The following RELN variants were observed in gnomAD, a reference collection of about 807,000 sequenced individuals.
The protein encoded by RELN is reelin.
Under a neutral mutation model 427.6 loss-of-function variants are expected in RELN, and 108 were observed. That is an observed-to-expected ratio of 0.25 (90% CI 0.22 to 0.30). RELN has a LOEUF of 0.30. Among genes scored for constraint, RELN ranks in the 10% least tolerant of loss-of-function variants. The pLI, the probability that RELN is intolerant of heterozygous loss-of-function variation, is 1.00. For missense variants in RELN, 3,715 were observed against 4,302.8 expected (o/e 0.86, Z 3.82); for synonymous variants, 1,524 against 1,513.4 (o/e 1.01, Z -0.16).
At chr7:103,949,670 A>G (rs1284902375) in intron 1 of RELN, among the ~76,000 whole-genome samples, 1 of 152,198 alleles carries the variant, frequency 6.6e-6, no homozygotes, top group Non-Finnish European at 1.5e-5. Context: ...AGCAGCAGGA[A>G]CTAAGACGCC....
At chr7:103,593,957 G>T (rs1334518393) in intron 26 of RELN, 75 bp from the exon 27 acceptor site, 26 of 1,123,630 alleles carry the variant, frequency 2.3e-5, no homozygotes, top group Non-Finnish European at 4.0e-6. Flanking sequence ...TTCATTTCAT[G>T]ACATGCTGGG....
chr7:103,877,360 T>C (rs1208391246), intron 2 of RELN, among the ~76,000 whole-genome samples: 4 of 152,330 alleles, frequency 2.6e-5, no homozygotes, highest in Middle Eastern at 3.4e-3. Flanking sequence ...ATGTGCTCCC[T>C]GCCAGAGTGA....
intron 11 of RELN, among the ~76,000 whole-genome samples, chr7:103,674,680 T>C (rs1486230118): frequency 6.6e-6 from 1 of 152,136 alleles, no homozygotes; most frequent in Non-Finnish European, 1.5e-5. Context: ...TCAAAAAGCT[T>C]ATCCACCATG....
rs529662915 is a variant in RELN, at chr7:103,623,254, C to T, written c.2702+6686G>A. On this transcript the variant is annotated intron_variant, in intron 20 of 64. Coordinates refer to ENST00000428762, the MANE Select transcript of RELN (RefSeq NM_005045.4). Reference sequence around the variant, plus strand: ...CTGAGGTGGCTCCTGGGAGCCATCTCACCCGGACTGACTTCCTTCAGCAGT... The same window carrying T: ...CTGAGGTGGCTCCTGGGAGCCATCTTACCCGGACTGACTTCCTTCAGCAGT... Among the ~76,000 whole-genome samples the T allele has an allele frequency of 4.6e-5, 7 of 152,324 alleles. No individual in the cohort carries two copies. The South Asian group carries it at 1.4e-3, about 32-fold the overall frequency.
At chr7:103,928,057 T>C (rs1471036049) in intron 1 of RELN, among the ~76,000 whole-genome samples, 1 of 152,194 alleles carries the variant, frequency 6.6e-6, no homozygotes, top group Non-Finnish European at 1.5e-5. Flanking sequence ...GTTGGTGACA[T>C]GGCATAGAAA....
At chr7:103,518,603 T>A (rs1157094832) in intron 49 of RELN, among the ~76,000 whole-genome samples, 1 of 151,548 alleles carries the variant, frequency 6.6e-6, no homozygotes, top group East Asian at 1.9e-4. Flanking sequence ...CCCAAAGTGC[T>A]GGGATTACAG....
At chr7:103,606,300 T>C (rs1356661995) in intron 22 of RELN, among the ~76,000 whole-genome samples, 7 of 152,270 alleles carry the variant, frequency 4.6e-5, no homozygotes, top group Admixed American at 3.9e-4. Context: ...GCTAAAACAG[T>C]AAGTCAGTGA....
intron 2 of RELN, among the ~76,000 whole-genome samples, chr7:103,891,124 C>T (rs78519165): frequency 0.013 from 1,950 of 152,074 alleles, 25 homozygotes; most frequent in Non-Finnish European, 0.019. Flanking sequence ...AAGTGGAATT[C>T]CATCCAAGTG....
At chr7:103,863,786 T>C (rs1348337874) in intron 2 of RELN, among the ~76,000 whole-genome samples, 3 of 151,998 alleles carry the variant, frequency 2.0e-5, no homozygotes, top group African/African-American at 7.2e-5. Flanking sequence ...AATAACATCT[T>C]AAATTTCACA....
chr7:103,642,448 G>A (rs1832714103), intron 16 of RELN, among the ~76,000 whole-genome samples: 1 of 142,992 alleles, frequency 7.0e-6, no homozygotes, highest in South Asian at 2.2e-4. Flanking sequence ...AGTGGGTCCT[G>A]TTTCTGTGAA....
chr7:103,604,262 T>A lies in RELN; in HGVS notation c.3146+84A>T. 3 of 1,512,010 alleles carry A rather than the reference T, an allele frequency of 2.0e-6. No individual in the cohort carries two copies. In the South Asian group the frequency reaches 3.4e-5, roughly 17 times the overall value. 93.7% of individuals were successfully genotyped at this position (1,512,010 alleles called of 1,614,324 possible). Reference sequence around the variant, plus strand: ...GTCATTATTTATCGGTCTATCCATGTCACTCTGATGACAACTGCTGTGGTA... The same window carrying A: ...GTCATTATTTATCGGTCTATCCATGACACTCTGATGACAACTGCTGTGGTA... On this transcript the variant is annotated intron_variant, in intron 23 of 64. Transcript: ENST00000428762.
At chr7:103,788,062 A>G (rs926771997) in intron 3 of RELN, among the ~76,000 whole-genome samples, 7 of 152,202 alleles carry the variant, frequency 4.6e-5, no homozygotes, top group African/African-American at 1.4e-4. Flanking sequence ...TCCATCACAT[A>G]AACAGAACGA....
chr7:103,817,342 A>C (rs13225455), intron 3 of RELN, among the ~76,000 whole-genome samples: 26,572 of 152,170 alleles, frequency 0.17, 3,032 homozygotes, highest in South Asian at 0.37. Context: ...AAATCCATTA[A>C]TTGAGACCAA....
chr7:103,634,012 T>C (rs1207448223), intron 19 of RELN, among the ~76,000 whole-genome samples: 1 of 152,196 alleles, frequency 6.6e-6, no homozygotes, highest in Non-Finnish European at 1.5e-5. Flanking sequence ...ATAACACTTA[T>C]AAGTTATAAT....
chr7:103,902,316 T>A (rs1278942951), intron 2 of RELN, among the ~76,000 whole-genome samples: 1 of 152,074 alleles, frequency 6.6e-6, no homozygotes, highest in African/African-American at 2.4e-5. Flanking sequence ...TAAAAAAGAA[T>A]CTTCTCATAA....
chr7:103,777,287 T>G (rs759905147), intron 3 of RELN, among the ~76,000 whole-genome samples: 1 of 152,182 alleles, frequency 6.6e-6, no homozygotes, highest in African/African-American at 2.4e-5. Context: ...AAAGTCTTAT[T>G]AAAGGAATAA....
chr7:103,617,804 C>G (rs145324274), intron 20 of RELN, among the ~76,000 whole-genome samples: 1 of 151,954 alleles, frequency 6.6e-6, no homozygotes, highest in Non-Finnish European at 1.5e-5. Flanking sequence ...TGGGCCATAG[C>G]GGTGGATCTT....
chr7:103,609,819 A>G (rs1831907364), intron 22 of RELN, among the ~76,000 whole-genome samples: 1 of 152,214 alleles, frequency 6.6e-6, no homozygotes, highest in Admixed American at 6.5e-5. Flanking sequence ...CAGATACTAC[A>G]GAATAATATA....
Position 103,626,461 on chromosome 7 carries a change from G to C in RELN, c.2702+3479C>G, listed in dbSNP as rs566296841. ...TGCCTCCTGGATTCAAGCGATTCTT[G>C]TGCCTCAACCTCCCAAATAGCTGGG... On this transcript the variant is annotated intron_variant, in intron 20 of 64. Coordinates refer to ENST00000428762, the MANE Select transcript of RELN (RefSeq NM_005045.4). The surrounding 1 kb of genome is among the most constrained non-coding windows in gnomAD (Gnocchi z 4.4). Among the ~76,000 whole-genome samples the C allele has an allele frequency of 6.6e-6, 1 of 151,992 alleles. No homozygotes were observed. The highest frequency in any genetic ancestry group is 1.5e-5 in the Non-Finnish European group (1 of 67,960).
Sources: gnomAD v4.1 joint callset for allele counts (sites outside exome capture counted in the v4.1 genomes callset) on GRCh38, gnomAD v4.1.1 for gene constraint, Gnocchi (gnomAD v3.1) non-coding constraint, MANE v1.5 for transcripts, NCBI Gene and HGNC (gene_info 2026-07-23, HGNC 2026-07-21) for gene names.